MYT1L: variants seen among roughly 807,000 people sequenced by gnomAD.
MYT1L encodes myelin transcription factor 1-like protein.
In MYT1L, 12 loss-of-function variants were observed where a neutral mutation model predicts 126.7. The observed-to-expected ratio is 0.09, with a 90% confidence interval of 0.06 to 0.15. MYT1L has a LOEUF of 0.15. Among genes scored for constraint, MYT1L ranks in the 10% least tolerant of loss-of-function variants. The probability of loss-of-function intolerance (pLI) is 1.00; values close to 1 mark genes in which losing one functional copy is unlikely to be tolerated. For synonymous variants in MYT1L, 541 were observed against 604.2 expected, an observed-to-expected ratio of 0.90 and a Z score of 1.53; for missense variants, 979 against 1,585.2, an observed-to-expected ratio of 0.62 and a Z score of 6.49.
At chr2:2,197,944 CACAT>C (rs1444642047) in intron 2 of MYT1L, among the ~76,000 whole-genome samples, 2 of 152,110 alleles carry the variant, frequency 1.3e-5, no homozygotes, top group African/African-American at 4.8e-5. Context: ...CATGCACACA[CACAT>C]GCATACAATG....
chr2:2,078,121 C>A (rs1023824287), intron 3 of MYT1L, among the ~76,000 whole-genome samples: 2 of 151,940 alleles, frequency 1.3e-5, no homozygotes, highest in African/African-American at 4.8e-5. Context: ...TTAGTCTGAA[C>A]TAGGTTGCTT....
rs867867545 is a variant in MYT1L at position 2,079,574 on chromosome 2, G to A, written c.-303-25451C>T. Among the ~76,000 whole-genome samples, 24 of 152,348 alleles carry A rather than the reference G, an allele frequency of 1.6e-4. No individual in the cohort carries two copies. In the Middle Eastern group the frequency reaches 0.014, roughly 86 times the overall value. ...TAATCCCAGCACTGTGGGAGGCCAA[G>A]GCGGGTGGATCGTGAGGTCAGGAGA... On this transcript the variant is annotated intron_variant, in intron 3 of 24. Coordinates refer to ENST00000647738, the MANE Select transcript of MYT1L (RefSeq NM_001303052.2).
At chr2:2,065,842 A>ACG (rs1553455365) in intron 3 of MYT1L, among the ~76,000 whole-genome samples, 3 of 136,306 alleles carry the variant, frequency 2.2e-5, no homozygotes, top group African/African-American at 8.3e-5. Context: ...ACACACACAC[A>ACG]CACACGCACA....
intron 22 of MYT1L, among the ~76,000 whole-genome samples, chr2:1,802,385 G>A (rs1237910352): frequency 2.0e-5 from 3 of 152,224 alleles, no homozygotes; most frequent in Admixed American, 6.5e-5. Flanking sequence ...TGGGAAGTGG[G>A]AGAGGGACAT....
chr2:1,986,840 G>A (rs534630147), intron 5 of MYT1L, among the ~76,000 whole-genome samples: 1 of 152,280 alleles, frequency 6.6e-6, no homozygotes, highest in South Asian at 2.1e-4. Flanking sequence ...GACACCCGAT[G>A]AGCTGGAGCC....
intron 2 of MYT1L, among the ~76,000 whole-genome samples, chr2:2,209,650 TATATGTATGC>T (rs2093436135): frequency 6.6e-6 from 1 of 151,388 alleles, no homozygotes; most frequent in South Asian, 2.1e-4. Flanking sequence ...AATTAAAAAA[TATATGTATGC>T]ATATGTATGC....
intron 4 of MYT1L, among the ~76,000 whole-genome samples, chr2:2,004,319 AGGCG>A (rs2062862066): frequency 2.3e-5 from 3 of 132,616 alleles, no homozygotes; most frequent in Admixed American, 7.5e-5. Context: ...TCTTTCCTGC[AGGCG>A]TTCTTTCCTG....
At chr2:1,797,320 T>G (rs2033777637) in intron 23 of MYT1L, among the ~76,000 whole-genome samples, 1 of 152,160 alleles carries the variant, frequency 6.6e-6, no homozygotes, top group African/African-American at 2.4e-5. Context: ...ACCTCCTGGG[T>G]TCACGCCATT....
chr2:2,232,007 CAA>C (rs1460300258), intron 2 of MYT1L, among the ~76,000 whole-genome samples: 2 of 152,166 alleles, frequency 1.3e-5, no homozygotes, highest in Admixed American at 6.5e-5. Context: ...ATTGATACTG[CAA>C]AACCACTTAA....
At chr2:2,031,771 C>T (rs1229176370) in intron 4 of MYT1L, among the ~76,000 whole-genome samples, 1 of 142,884 alleles carries the variant, frequency 7.0e-6, no homozygotes, top group African/African-American at 2.6e-5. Flanking sequence ...GGGCCTTATA[C>T]ACACCCCTCG....
intron 3 of MYT1L, among the ~76,000 whole-genome samples, chr2:2,151,739 C>CA (rs1324564760): frequency 6.6e-6 from 1 of 151,986 alleles, no homozygotes; most frequent in South Asian, 2.1e-4. Flanking sequence ...CAGTAACTAA[C>CA]AAAAAAAGTA....
At chr2:2,255,495 C>A (rs149024365) in intron 2 of MYT1L, among the ~76,000 whole-genome samples, 1 of 152,038 alleles carries the variant, frequency 6.6e-6, no homozygotes, top group South Asian at 2.1e-4. Flanking sequence ...AGGAGCCACA[C>A]GGTGAAATCA....
At chr2:2,000,011 C>T (rs1471433476) in intron 4 of MYT1L, among the ~76,000 whole-genome samples, 3 of 152,210 alleles carry the variant, frequency 2.0e-5, no homozygotes, top group African/African-American at 7.2e-5. Flanking sequence ...CCTTAAAGAG[C>T]CAACAGAACA....
rs554925426 is a variant in MYT1L at position 2,141,320 on chromosome 2, T to G, written c.-304+31552A>C. The stretch of plus-strand genomic sequence containing the variant: ...CATATGGATTTTTATGTCAATAAAT[T>G]TAAATTTATATTACCATTTCAAGGC... On this transcript the variant is annotated intron_variant, in intron 3 of 24. Coordinates refer to ENST00000647738, the MANE Select transcript of MYT1L (RefSeq NM_001303052.2). Among the ~76,000 whole-genome samples the G allele has an allele frequency of 3.0e-3, 454 of 152,282 alleles. 3 individuals are homozygous for G. Among genetic ancestry groups the G allele is most frequent in the African/African-American group, 0.01 (433 of 41,560 alleles).
intron 3 of MYT1L, among the ~76,000 whole-genome samples, chr2:2,066,697 A>T (rs1302136752): frequency 1.3e-5 from 2 of 152,082 alleles, no homozygotes; most frequent in Admixed American, 6.6e-5. Context: ...AGCATGGGGG[A>T]AAGGAGAAAA....
intron 2 of MYT1L, among the ~76,000 whole-genome samples, chr2:2,246,117 G>A (rs1255872109): frequency 2.0e-5 from 3 of 152,220 alleles, no homozygotes; most frequent in Non-Finnish European, 2.9e-5. Context: ...CTCGCTGACT[G>A]CCCTAGTTCA....
At chr2:1,949,283 G>T (rs947280099) in intron 8 of MYT1L, among the ~76,000 whole-genome samples, 1 of 152,188 alleles carries the variant, frequency 6.6e-6, no homozygotes, top group East Asian at 1.9e-4. Flanking sequence ...ACGCATGCTG[G>T]ATTAGAAATG....
chr2:2,174,155 G>A (rs11680102), intron 2 of MYT1L, among the ~76,000 whole-genome samples: 15,424 of 152,192 alleles, frequency 0.1, 756 homozygotes, highest in East Asian at 0.13. Context: ...GAGAGTTAGC[G>A]TATTCGTTTT....
intron 9 of MYT1L, among the ~76,000 whole-genome samples, chr2:1,925,334 T>A (rs2054083866): frequency 6.6e-6 from 1 of 152,220 alleles, no homozygotes; most frequent in African/African-American, 2.4e-5. Flanking sequence ...ACAAAAAGCC[T>A]GCAGGGGGAA....
Sources: gnomAD v4.1 joint callset for allele counts (sites outside exome capture counted in the v4.1 genomes callset) on GRCh38, gnomAD v4.1.1 for gene constraint, MANE v1.5 for transcripts, NCBI Gene and HGNC (gene_info 2026-07-23, HGNC 2026-07-21) for gene names.